Variants in ANKAR observed in about 807,000 individuals in gnomAD.
ANKAR encodes ankyrin and armadillo repeat containing, also known as ankyrin and armadillo repeat-containing protein.
ANKAR carries 136 observed loss-of-function variants against 146.2 expected under a neutral mutation model. That is an observed-to-expected ratio of 0.93 (90% CI 0.81 to 1.07). ANKAR has a LOEUF of 1.07. Ranked by LOEUF, ANKAR falls within the 50% of genes least tolerant of loss-of-function variation. The probability of loss-of-function intolerance (pLI) is 0.00; values close to 1 mark genes in which losing one functional copy is unlikely to be tolerated. For missense variants in ANKAR, 1,567 were observed against 1,679.9 expected, an observed-to-expected ratio of 0.93 and a Z score of 1.18; for synonymous variants, 500 against 575.8, an observed-to-expected ratio of 0.87 and a Z score of 1.88.
chr2:189,719,355 A>G (rs1218218930), intron 10 of ANKAR, among the ~76,000 whole-genome samples: 1 of 152,212 alleles, frequency 6.6e-6, no homozygotes, highest in African/African-American at 2.4e-5. Context: ...GTGAAAATCA[A>G]ATGTATGAAC....
At position 189,752,545 on chromosome 2, in the gene ANKAR, C is replaced by T. The variant is rs982286358; in HGVS notation, c.*584+7757C>T. 12 of 1,022,176 alleles carry T rather than the reference C, an allele frequency of 1.2e-5. No homozygotes were observed. The African/African-American group carries it at 1.3e-4, about 11-fold the overall frequency. The allele number at this position is 1,022,176 out of a possible 1,614,324, so 63.3% of individuals were successfully genotyped here. On this transcript the variant is annotated intron_variant and NMD_transcript_variant, in intron 18 of 18. Coordinates refer to the ANKAR transcript ENST00000441800. ...CATGAAAGAAATTTATGTAACTTTC[C>T]TTCAAGTACCACCAGAATGTCAATG...
At position 189,731,376 on chromosome 2, in the gene ANKAR, C is replaced by CTTT. The variant is rs71023714; in HGVS notation, c.3300+788_3300+790dup. 1.2e-4 allele frequency among the ~76,000 whole-genome samples: 17 copies of CTTT among 137,378 alleles called. 1 individual carries two copies. The highest frequency in any genetic ancestry group is 2.2e-4 in the South Asian group (1 of 4,518). The allele number at this position is 137,378 out of a possible 152,430, so 90.1% of individuals were successfully genotyped here. A position where few individuals can be genotyped will look rare whatever the true frequency, so the allele number is the denominator to read the frequency against. On this transcript the variant is annotated intron_variant, in intron 16 of 22. Coordinates refer to ENST00000684021, the MANE Select transcript of ANKAR (RefSeq NM_001378068.1). ...ATAGCATTGTTTCTTTTTCTTTTTT[C>CTTT]TTTTTTTTTTTTTTTGAGACAGAAT...
chr2:189,703,725 CAAAGGAGACTGCCA>C (rs1315491259), intron 7 of ANKAR, among the ~76,000 whole-genome samples: 1 of 152,014 alleles, frequency 6.6e-6, no homozygotes, highest in African/African-American at 2.4e-5. Context: ...GAGAAGGTTC[CAAAGGAGACTGCCA>C]AGGTGTAACC....
At position 189,689,766 on chromosome 2, in the gene ANKAR, G is replaced by A. The variant is rs538537653; in HGVS notation, c.841G>A (p.Asp281Asn). ...TATAAAATATAATCAGGATTATCTT[G>A]ATATCTGTACCTACCAGAGACTACA... ...NAIKYNQDYL[D>N]ICTYQRLQQR... Residue 281 changes from aspartate to asparagine, a missense_variant, in exon 3 of 23, where the codon GAT becomes AAT. Physicochemically the swap from Asp to Asn is conservative, Grantham distance 23. Coordinates refer to ENST00000684021, the MANE Select transcript of ANKAR (RefSeq NM_001378068.1). The A allele has an allele frequency of 5.6e-6, 9 of 1,612,180 alleles. No homozygotes were observed. The highest frequency in any genetic ancestry group is 4.0e-5 in the African/African-American group (3 of 74,918).
Position 189,705,192 on chromosome 2 carries a change from T to G in ANKAR, c.1878T>G (p.Asp626Glu). The part of the protein sequence containing the change: ...VCIIIALCRK[D>E]PSLLEAEATA... Reference sequence around the variant, plus strand: ...TCATTATTGCTCTCTGTAGGAAGGATCCTAGTTTGCTAGAAGCTGAGGCAA... The same window carrying G: ...TCATTATTGCTCTCTGTAGGAAGGAGCCTAGTTTGCTAGAAGCTGAGGCAA... Residue 626 changes from aspartate (D) to glutamate (E), a missense_variant, in exon 8 of 23, where the codon GAT becomes GAG. Physicochemically the swap from Asp to Glu is conservative, Grantham distance 45. Transcript: ENST00000684021. 1 of 1,614,134 alleles carries G rather than the reference T, an allele frequency of 6.2e-7. No homozygotes were observed. The highest frequency in any genetic ancestry group is 8.5e-7 in the Non-Finnish European group (1 of 1,180,006).
At chr2:189,692,601 T>C (rs2036588073) in intron 4 of ANKAR, 183 bp downstream of exon 4, 1 of 519,534 alleles carries the variant, frequency 1.9e-6, no homozygotes, top group Non-Finnish European at 3.3e-6. Context: ...ATATGTAAGG[T>C]ACTGTGTTGG....
In ANKAR at chr2:189,695,152, G is replaced by A. The variant is rs1309091225; in HGVS notation, c.1479G>A (p.Met493Ile). The A allele has an allele frequency of 6.2e-7, 1 of 1,602,756 alleles. No individual in the cohort carries two copies. Among genetic ancestry groups the A allele is most frequent in the Admixed American group, 1.7e-5 (1 of 57,194 alleles). Residue 493 changes from methionine (M) to isoleucine (I), a missense_variant, in exon 6 of 23, where the codon ATG (methionine) becomes ATA (isoleucine). Met to Ile is a conservative substitution (Grantham distance 10). Transcript: ENST00000684021. ...FKKKLGFKRA[M>I]KCKSIPFGMK... ...AAAAGCTTGGTTTCAAAAGAGCTAT[G>A]AAATGCAAGGTATTTCAGTGACTAC...
At chr2:189,680,181 T>TA (rs200715053) in intron 2 of ANKAR, among the ~76,000 whole-genome samples, 1,813 of 152,276 alleles carry the variant, frequency 0.012, 28 homozygotes, top group Non-Finnish European at 0.014. Flanking sequence ...GAGGGTTGTA[T>TA]ATTTCCAGGA....
downstream of ANKAR, among the ~76,000 whole-genome samples, chr2:189,762,207 T>C (rs2047181663): frequency 6.6e-6 from 1 of 152,216 alleles, no homozygotes; most frequent in African/African-American, 2.4e-5. Context: ...AATCTCCACT[T>C]TTTGCTACAG....
chr2:189,705,346 C>T (rs914717216), intron 8 of ANKAR, 122 bp downstream of exon 8: 2 of 972,690 alleles, frequency 2.1e-6, no homozygotes, highest in Admixed American at 2.5e-5. Flanking sequence ...ACACACACTG[C>T]CACTAAAAGG....
chr2:189,677,053 A>T lies in ANKAR; in HGVS notation c.563A>T (p.Gln188Leu). Reference sequence around the variant, plus strand: ...GACATTGATCCTGATGGAAAACCTCAAACAAATAAAGACATTTTTTCAGAG... The same window carrying T: ...GACATTGATCCTGATGGAAAACCTCTAACAAATAAAGACATTTTTTCAGAG... ...IMDIDPDGKP[Q>L]TNKDIFSEFS... The change falls in exon 2 of 23, where the codon CAA becomes CTA. Residue 188 changes from glutamine (Q) to leucine (L), a missense_variant. Transcript: ENST00000684021. 6.3e-7 allele frequency: 1 copy of T among 1,585,718 alleles called. No individual in the cohort carries two copies. Among genetic ancestry groups the T allele is most frequent in the Non-Finnish European group, 8.5e-7 (1 of 1,170,880 alleles).
Position 189,705,046 on chromosome 2 carries a change from G to A in ANKAR, c.1732G>A (p.Ala578Thr). 6.2e-7 allele frequency: 1 copy of A among 1,614,000 alleles called. No homozygotes were observed. Among genetic ancestry groups the A allele is most frequent in the Non-Finnish European group, 8.5e-7 (1 of 1,179,990 alleles). ...SQGPTPLHLA[A>T]QACSLETTVC... Reference sequence around the variant, plus strand: ...AGGTCCAACACCTCTACACCTTGCTGCACAGGCTTGCTCATTAGAAACAAC... The same window carrying A: ...AGGTCCAACACCTCTACACCTTGCTACACAGGCTTGCTCATTAGAAACAAC... The change falls in exon 8 of 23, where the codon GCA becomes ACA. Residue 578 changes from alanine (A) to threonine (T), a missense_variant. Physicochemically the swap from Ala to Thr is moderately conservative, Grantham distance 58. Transcript: ENST00000684021.
In ANKAR at chr2:189,707,078, A is replaced by C. The variant is rs1009841412; in HGVS notation, c.2051A>C (p.His684Pro). The C allele has an allele frequency of 6.2e-7, 1 of 1,605,466 alleles. No individual in the cohort carries two copies. The highest frequency in any genetic ancestry group is 2.2e-5 in the East Asian group (1 of 44,770). ...ATCCATTTATCAGTGTTAACCTTTC[A>C]TACAGAGGTTCTCAAATATATAATA... ...NIIHLSVLTF[H>P]TEVLKYIIKL... The change falls in exon 9 of 23, where the codon CAT (histidine) becomes CCT (proline). Residue 684 changes from histidine to proline, a missense_variant. Coordinates refer to ENST00000684021, the MANE Select transcript of ANKAR (RefSeq NM_001378068.1).
intron 10 of ANKAR, among the ~76,000 whole-genome samples, chr2:189,717,489 G>T (rs1169988849): frequency 6.6e-6 from 1 of 152,154 alleles, no homozygotes; most frequent in Non-Finnish European, 1.5e-5. Flanking sequence ...ACTATTGGTG[G>T]GAGTGTAAAC....
chr2:189,720,968 G>A (rs1195308395), intron 12 of ANKAR, among the ~76,000 whole-genome samples, 181 bp downstream of exon 12: 9 of 152,070 alleles, frequency 5.9e-5, no homozygotes, highest in Non-Finnish European at 1.5e-5. Flanking sequence ...GCTAAACTAT[G>A]TAGATACAGT....
At chr2:189,707,501 A>G (rs1021649283) in intron 9 of ANKAR, among the ~76,000 whole-genome samples, 2 of 149,896 alleles carry the variant, frequency 1.3e-5, no homozygotes, top group Non-Finnish European at 3.0e-5. Context: ...TAAGTGAAAA[A>G]TATTCCCTCC....
chr2:189,723,069 C>T (rs2041492102), intron 12 of ANKAR, among the ~76,000 whole-genome samples: 1 of 151,930 alleles, frequency 6.6e-6, no homozygotes, highest in Admixed American at 6.6e-5. Context: ...GCAAATAGTC[C>T]TCTTGGATGT....
intron 2 of ANKAR, among the ~76,000 whole-genome samples, chr2:189,686,719 T>C (rs2035658019): frequency 6.6e-6 from 1 of 152,210 alleles, no homozygotes; most frequent in South Asian, 2.1e-4. Context: ...TGTATTCACT[T>C]TCCTTAGTAA....
At position 189,707,005 on chromosome 2, in the gene ANKAR, T is replaced by C. The variant is rs921893517; in HGVS notation, c.1978T>C (p.Ser660Pro). The C allele has an allele frequency of 1.6e-5, 26 of 1,613,664 alleles. No individual in the cohort carries two copies. In the Admixed American group the frequency reaches 2.8e-4, roughly 18 times the overall value. ...GALDTIQYLF[S>P]IGANWRKTDI... ...ACTGGACACTATTCAATACCTGTTT[T>C]CTATCGGTGCTAACTGGAGAAAAAC... Residue 660 changes from serine to proline, a missense_variant, in exon 9 of 23, where the codon TCT becomes CCT. Physicochemically the swap from Ser to Pro is moderately conservative, Grantham distance 74 (BLOSUM62 -1). Coordinates refer to ENST00000684021, the MANE Select transcript of ANKAR (RefSeq NM_001378068.1).
Sources: gnomAD v4.1 joint callset for allele counts (sites outside exome capture counted in the v4.1 genomes callset) on GRCh38, gnomAD v4.1.1 for gene constraint, MANE v1.5 for transcripts, NCBI Gene and HGNC (gene_info 2026-07-23, HGNC 2026-07-21) for gene names.